SCN8A: variants seen among roughly 807,000 people sequenced by gnomAD.
SCN8A encodes the protein sodium voltage-gated channel alpha subunit 8.
A neutral mutation model predicts 184.1 loss-of-function variants in SCN8A; 30 were observed. The ratio of observed to expected loss-of-function variants is 0.16; its 90% confidence interval spans 0.12 to 0.22. The LOEUF is 0.22. SCN8A is among the 10% of genes least tolerant of loss of function. SCN8A has a pLI of 1.00. For synonymous variants in SCN8A, 852 were observed against 907.0 expected, an observed-to-expected ratio of 0.94 and a Z score of 1.09; for missense variants, 1,057 against 2,498.9, an observed-to-expected ratio of 0.42 and a Z score of 12.30.
chr12:51,745,978 G>A lies in SCN8A; in HGVS notation c.2074G>A (p.Gly692Arg), dbSNP rs1037521613. The change falls in exon 13 of 27, where the codon GGG (glycine) becomes AGG (arginine). Residue 692 changes from glycine (G) to arginine (R), a missense_variant. Transcript: ENST00000627620. ...LVSMDQLASY[G>R]RKDRINSIMS... ...TTCCATGGACCAATTAGCCTCCTAC[G>A]GGCGGAAGGACAGAATCAACAGTAT... 13 of 1,611,190 alleles carry A rather than the reference G, an allele frequency of 8.1e-6. No homozygotes were observed. The highest frequency in any genetic ancestry group is 3.3e-5 in the Admixed American group (2 of 59,782).
At chr12:51,781,528 T>A (rs1937921352) in intron 21 of SCN8A, among the ~76,000 whole-genome samples, 1 of 152,160 alleles carries the variant, frequency 6.6e-6, no homozygotes, top group Admixed American at 6.5e-5. Flanking sequence ...CCTGCTTTGG[T>A]GATACTCCAC....
At chr12:51,777,898 G>A (rs2138885588) in intron 20 of SCN8A, among the ~76,000 whole-genome samples, 1 of 152,338 alleles carries the variant, frequency 6.6e-6, no homozygotes, top group East Asian at 1.9e-4. Flanking sequence ...GGTTGAGAAA[G>A]AATAGCTTCC....
Position 51,786,537 on chromosome 12 carries a change from T to A in SCN8A, c.3943-5T>A, listed in dbSNP as rs759930100. The A allele has an allele frequency of 6.2e-7, 1 of 1,614,094 alleles. No homozygotes were observed. The highest frequency in any genetic ancestry group is 1.1e-5 in the South Asian group (1 of 91,068). On this transcript the variant is annotated splice_polypyrimidine_tract_variant and splice_region_variant and intron_variant, in intron 21 of 26. Transcript: ENST00000627620. ...AACACTGAGCAACCTCCCCTTCCAA[T>A]GCAGGTGGTGGTGAATGCCTTGGTG... is the stretch of plus-strand genomic sequence containing the variant.
At chr12:51,613,678 T>A (rs1378925964) in intron 1 of SCN8A, among the ~76,000 whole-genome samples, 3 of 152,122 alleles carry the variant, frequency 2.0e-5, no homozygotes, top group African/African-American at 7.2e-5. Flanking sequence ...GAAACTTGGA[T>A]TGTTGATTTG....
chr12:51,633,954 A>G (rs1940256680), intron 1 of SCN8A, among the ~76,000 whole-genome samples: 1 of 152,214 alleles, frequency 6.6e-6, no homozygotes, highest in African/African-American at 2.4e-5. Context: ...TTATACTCCT[A>G]GGTATCTACC....
intron 25 of SCN8A, among the ~76,000 whole-genome samples, 200 bp from the exon 26 acceptor site, chr12:51,794,171 G>A (rs1938345534): frequency 6.6e-6 from 1 of 152,156 alleles, no homozygotes; most frequent in Non-Finnish European, 1.5e-5. Context: ...AAAACAGAGA[G>A]AAGCTGGTAA....
chr12:51,666,822 G>A (rs12368730), intron 2 of SCN8A, among the ~76,000 whole-genome samples: 2 of 152,122 alleles, frequency 1.3e-5, no homozygotes, highest in Non-Finnish European at 1.5e-5. Flanking sequence ...CCACGTTTTC[G>A]AGATACTGTT....
chr12:51,608,047 G>C (rs1209079996), intron 1 of SCN8A, among the ~76,000 whole-genome samples: 2 of 141,542 alleles, frequency 1.4e-5, no homozygotes, highest in Admixed American at 7.0e-5. Flanking sequence ...TTGAGATGGA[G>C]TCTTGCTCTG....
rs143109847 is a variant in SCN8A, at chr12:51,668,060, A to G, written c.276+4967A>G. On this transcript the variant is annotated intron_variant, in intron 2 of 26. Coordinates refer to ENST00000627620, the MANE Select transcript of SCN8A (RefSeq NM_001330260.2). Reference sequence around the variant, plus strand: ...TAGCCAGGTGTGGTGGTGCATGCCTATAGTCCCAGCTACTCAGGAGGCTGA... The same window carrying G: ...TAGCCAGGTGTGGTGGTGCATGCCTGTAGTCCCAGCTACTCAGGAGGCTGA... Among the ~76,000 whole-genome samples, 150 of 151,882 alleles carry G rather than the reference A, an allele frequency of 9.9e-4. 3 individuals carry two copies. The East Asian group carries it at 0.027, about 27-fold the overall frequency.
Position 51,768,906 on chromosome 12 carries a change from T to C in SCN8A, c.2943T>C (p.Ser981=). The part of the protein sequence containing the change: ...LFLALLLSSF[S]ADNLAATDDD... ...TGGCCTTGCTCCTGAGCTCCTTCAG[T>C]GCAGACAACCTGGCTGCCACAGATG... The change falls in exon 17 of 27, where the codon AGT becomes AGC. Residue 981 remains serine, a synonymous_variant. Coordinates refer to ENST00000627620, the MANE Select transcript of SCN8A (RefSeq NM_001330260.2). 1 of 1,596,134 alleles carries C rather than the reference T, an allele frequency of 6.3e-7. No homozygotes were observed.
intron 21 of SCN8A, among the ~76,000 whole-genome samples, chr12:51,783,974 TAAC>T (rs1167331926): frequency 2.6e-5 from 4 of 152,236 alleles, no homozygotes; most frequent in Non-Finnish European, 5.9e-5. Context: ...GTCTAGTTCT[TAAC>T]AATAATAGAT....
intron 13 of SCN8A, 39 bp downstream of exon 13, chr12:51,746,074 A>G: frequency 6.4e-7 from 1 of 1,550,618 alleles, no homozygotes; most frequent in Non-Finnish European, 8.7e-7. Context: ...GCTGAGATAT[A>G]AATATGTAAT....
chr12:51,739,531 C>A (rs1482542733), intron 12 of SCN8A, among the ~76,000 whole-genome samples: 1 of 152,184 alleles, frequency 6.6e-6, no homozygotes, highest in African/African-American at 2.4e-5. Flanking sequence ...TGTTACTTCA[C>A]TATTCTCTTG....
At chr12:51,779,917 T>A (rs74091665) in intron 20 of SCN8A, among the ~76,000 whole-genome samples, 21,105 of 152,012 alleles carry the variant, frequency 0.14, 1,799 homozygotes, top group East Asian at 0.36. Context: ...GAAGGTTATT[T>A]TAGTTAAAAG....
At chr12:51,721,131 T>A (rs1345273366) in intron 11 of SCN8A, among the ~76,000 whole-genome samples, 2,953 of 135,920 alleles carry the variant, frequency 0.022, 131 homozygotes, top group African/African-American at 0.075. Flanking sequence ...GTTATATATA[T>A]AATATTTATT....
chr12:51,684,186 T>C lies in SCN8A; in HGVS notation c.289T>C (p.Leu97=), dbSNP rs1565885975. The C allele has an allele frequency of 3.8e-6, 6 of 1,563,292 alleles. No individual in the cohort carries two copies. The South Asian group carries it at 6.7e-5, about 17-fold the overall frequency. The change falls in exon 3 of 27, where the codon TTA becomes CTA. Residue 97 remains leucine (L), a synonymous_variant. Transcript: ENST00000627620. ...TCTTTCTCCACAGACCTTTGTAGTA[T>C]TAAACAGAGGGAAAACTCTCTTCAG... ...YYLTQKTFVV[L]NRGKTLFRFS...
intron 1 of SCN8A, among the ~76,000 whole-genome samples, chr12:51,660,588 T>C (rs1344009862): frequency 6.6e-6 from 1 of 152,244 alleles, no homozygotes; most frequent in Non-Finnish European, 1.5e-5. Flanking sequence ...TCAGCAATGA[T>C]TAAGTGCCAA....
chr12:51,701,797 T>G (rs1051592236), intron 8 of SCN8A, among the ~76,000 whole-genome samples: 1 of 152,194 alleles, frequency 6.6e-6, no homozygotes, highest in Non-Finnish European at 1.5e-5. Flanking sequence ...GAGGGCTTTA[T>G]AAATGTAGGG....
intron 25 of SCN8A, among the ~76,000 whole-genome samples, chr12:51,791,012 T>C (rs529920583): frequency 1.2e-4 from 18 of 152,300 alleles, no homozygotes; most frequent in Non-Finnish European, 2.2e-4. Flanking sequence ...GAGCTGAGCC[T>C]TTTATAAAAC....
Sources: gnomAD v4.1 joint callset for allele counts (sites outside exome capture counted in the v4.1 genomes callset) on GRCh38, gnomAD v4.1.1 for gene constraint, MANE v1.5 for transcripts, NCBI Gene and HGNC (gene_info 2026-07-23, HGNC 2026-07-21) for gene names.